SLC24A2: variants seen among roughly 807,000 people sequenced by gnomAD.
SLC24A2 encodes solute carrier family 24 member 2.
A neutral mutation model predicts 62.0 loss-of-function variants in SLC24A2; 36 were observed. The ratio of observed to expected loss-of-function variants is 0.58; its 90% CI spans 0.44 to 0.77. The LOEUF (loss-of-function observed/expected upper bound fraction) is 0.77. SLC24A2 is among the 30% of genes least tolerant of loss of function. SLC24A2 has a pLI of 0.00. For synonymous variants in SLC24A2, 358 were observed against 294.0 expected (o/e 1.22, Z -2.23); for missense variants, 846 against 817.9 (o/e 1.03, Z -0.42).
At chr9:19,526,504 C>A (rs1010189232) in intron 9 of SLC24A2, among the ~76,000 whole-genome samples, 1 of 152,144 alleles carries the variant, frequency 6.6e-6, no homozygotes, top group African/African-American at 2.4e-5. Flanking sequence ...ACATCCTCAT[C>A]AACACTTGTT....
At chr9:19,640,704 T>C (rs1818471288) in intron 2 of SLC24A2, among the ~76,000 whole-genome samples, 1 of 152,232 alleles carries the variant, frequency 6.6e-6, no homozygotes, top group Non-Finnish European at 1.5e-5. Context: ...CACTTGAATC[T>C]TCCCTACTCA....
chr9:20,101,757 G>T, the SLC24A2 span, among the ~76,000 whole-genome samples: 4 of 151,740 alleles, frequency 2.6e-5, no homozygotes, highest in Non-Finnish European at 5.9e-5. Context: ...TTTTTTTAAG[G>T]AAAAGAAAAA....
At position 19,622,180 on chromosome 9, in the gene SLC24A2, A is replaced by C. The variant is rs1817923883; in HGVS notation, c.969+81T>G. 5.1e-6 allele frequency: 6 copies of C among 1,168,554 alleles called. No homozygotes were observed. The South Asian group carries it at 7.4e-5, about 14-fold the overall frequency. The allele number at this position is 1,168,554 out of a possible 1,614,324, so 72.4% of individuals were successfully genotyped here. A position where few individuals can be genotyped will look rare whatever the true frequency, so the allele number is the denominator to read the frequency against. On this transcript the variant is annotated intron_variant, in intron 3 of 10. Coordinates refer to ENST00000341998, the MANE Select transcript of SLC24A2 (RefSeq NM_020344.4). ...AGGGAGAGAGTAATGTGTTGAGCAC[A>C]CAAACCCGTCTCACTCCCACCCCTG... is the stretch of plus-strand genomic sequence containing the variant.
chr9:19,869,059 G>A, the SLC24A2 span, among the ~76,000 whole-genome samples: 1 of 152,126 alleles, frequency 6.6e-6, no homozygotes, highest in Non-Finnish European at 1.5e-5. Flanking sequence ...ACGGCTCACT[G>A]CAGCCTTGAC....
chr9:19,815,956 C>A, the SLC24A2 span, among the ~76,000 whole-genome samples: 1 of 94,204 alleles, frequency 1.1e-5, no homozygotes, highest in Non-Finnish European at 2.3e-5. Context: ...GTATTTTTTG[C>A]CCCTTTTTTT....
chr9:20,279,428 G>A, the SLC24A2 span, among the ~76,000 whole-genome samples: 1 of 152,168 alleles, frequency 6.6e-6, no homozygotes, highest in South Asian at 2.1e-4. Context: ...CTACTCAGAA[G>A]GCTGAGGCAG....
chr9:19,912,500 A>G, the SLC24A2 span, among the ~76,000 whole-genome samples: 7 of 152,146 alleles, frequency 4.6e-5, no homozygotes, highest in Non-Finnish European at 1.0e-4. Context: ...TGCTCTCTAC[A>G]GTACAACAGA....
the SLC24A2 span, among the ~76,000 whole-genome samples, chr9:20,299,231 G>A: frequency 6.6e-6 from 1 of 152,172 alleles, no homozygotes; most frequent in Non-Finnish European, 1.5e-5. Context: ...GGTCACAAAG[G>A]ATCTTCACAG....
chr9:19,811,439 C>T, the SLC24A2 span, among the ~76,000 whole-genome samples: 6 of 152,138 alleles, frequency 3.9e-5, no homozygotes, highest in Non-Finnish European at 7.4e-5. Flanking sequence ...AATGTAATTA[C>T]AGTTATATTT....
chr9:19,616,002 A>G (rs1490652601), intron 4 of SLC24A2, among the ~76,000 whole-genome samples: 1 of 123,768 alleles, frequency 8.1e-6, no homozygotes, highest in African/African-American at 3.4e-5. Flanking sequence ...GTGCACACAC[A>G]CACACACACA....
At chr9:19,880,977 G>C in the SLC24A2 span, among the ~76,000 whole-genome samples, 1 of 152,054 alleles carries the variant, frequency 6.6e-6, no homozygotes, top group Non-Finnish European at 1.5e-5. Flanking sequence ...TGTGGCCCTG[G>C]GCAAATAATT....
the SLC24A2 span, among the ~76,000 whole-genome samples, chr9:20,072,981 C>A: frequency 6.6e-6 from 1 of 152,158 alleles, no homozygotes; most frequent in South Asian, 2.1e-4. Context: ...GAAGGTAACA[C>A]AGAGACATCA....
At chr9:20,168,229 C>T in the SLC24A2 span, among the ~76,000 whole-genome samples, 1 of 151,896 alleles carries the variant, frequency 6.6e-6, no homozygotes, top group Non-Finnish European at 1.5e-5. Context: ...TGACTAAAAA[C>T]TAGTCAATCT....
chr9:19,552,518 A>AT (rs938524036), intron 7 of SLC24A2, among the ~76,000 whole-genome samples: 22 of 151,522 alleles, frequency 1.5e-4, no homozygotes, highest in South Asian at 6.3e-4. Context: ...ATGAGAGATG[A>AT]TTTTTTTTTC....
At chr9:19,925,547 C>T in the SLC24A2 span, among the ~76,000 whole-genome samples, 19 of 152,152 alleles carry the variant, frequency 1.2e-4, no homozygotes, top group African/African-American at 4.3e-4. Flanking sequence ...CAGCCAACAC[C>T]TGTACCAAGA....
At chr9:19,662,795 A>G (rs1227630270) in intron 2 of SLC24A2, among the ~76,000 whole-genome samples, 1 of 152,142 alleles carries the variant, frequency 6.6e-6, no homozygotes, top group Admixed American at 6.5e-5. Flanking sequence ...CATTTTCTGA[A>G]TATCTTTTAT....
At chr9:19,805,458 A>G in the SLC24A2 span, among the ~76,000 whole-genome samples, 2 of 152,156 alleles carry the variant, frequency 1.3e-5, no homozygotes, top group African/African-American at 4.8e-5. Context: ...TCACCTTATT[A>G]AAAAATGCAT....
the SLC24A2 span, among the ~76,000 whole-genome samples, chr9:20,198,777 T>C: frequency 6.6e-6 from 1 of 151,060 alleles, no homozygotes; most frequent in Non-Finnish European, 1.5e-5. Context: ...GGGTCTGACC[T>C]TCTGAAGCAC....
At chr9:20,251,062 G>C in the SLC24A2 span, among the ~76,000 whole-genome samples, 1 of 152,194 alleles carries the variant, frequency 6.6e-6, no homozygotes, top group Non-Finnish European at 1.5e-5. Flanking sequence ...GTCTCTGCTG[G>C]ACTCAGCCCA....
Sources: allele counts gnomAD v4.1 joint callset (sites outside exome capture counted in the v4.1 genomes callset), GRCh38; gene constraint gnomAD v4.1.1; transcripts MANE v1.5; gene names NCBI Gene and HGNC (gene_info 2026-07-23, HGNC 2026-07-21).